Variants in MICU1 observed in about 807,000 individuals in gnomAD.
MICU1 encodes the protein calcium uptake protein 1, mitochondrial.
In MICU1, 45 loss-of-function variants were observed where a neutral mutation model predicts 56.8. The observed-to-expected ratio is 0.79, with a 90% confidence interval of 0.62 to 1.02. MICU1 has a LOEUF of 1.02. Ranked by LOEUF, MICU1 falls within the 50% of genes least tolerant of loss-of-function variation. MICU1 has a pLI of 0.00. For missense variants in MICU1, 504 were observed against 587.1 expected (o/e 0.86, Z 1.46); for synonymous variants, 186 against 195.1 (o/e 0.95, Z 0.39).
intron 10 of MICU1, among the ~76,000 whole-genome samples, chr10:72,404,444 A>G (rs55772730): frequency 0.04 from 6,149 of 152,330 alleles, 344 homozygotes; most frequent in African/African-American, 0.12. Context: ...AATCAACTCA[A>G]TAGGCAACAA....
At chr10:72,497,538 C>T (rs554311885) in intron 6 of MICU1, among the ~76,000 whole-genome samples, 3 of 152,248 alleles carry the variant, frequency 2.0e-5, no homozygotes, top group East Asian at 3.9e-4. Context: ...ATGTGGGGCT[C>T]GCAGACCAAA....
rs150719690 is a variant in MICU1 at position 72,414,332 on chromosome 10, G to A, written c.1072-6295C>T. On this transcript the variant is annotated intron_variant, in intron 9 of 11. Transcript: ENST00000361114. ...ATAAGCATCTACATAAAAATGTAAT[G>A]TAGTAAATAAAATACTATTTACTCT... Among the ~76,000 whole-genome samples the A allele has an allele frequency of 2.8e-3, 425 of 152,126 alleles. 2 individuals are homozygous for A. The highest frequency in any genetic ancestry group is 9.7e-3 in the African/African-American group (402 of 41,494).
At chr10:72,591,576 A>G (rs930831649) in intron 1 of MICU1, among the ~76,000 whole-genome samples, 2 of 152,206 alleles carry the variant, frequency 1.3e-5, no homozygotes, top group Non-Finnish European at 2.9e-5. Flanking sequence ...AAAAGGGATT[A>G]TAAGACAGTA....
At chr10:72,567,214 T>A (rs190112287) in intron 1 of MICU1, among the ~76,000 whole-genome samples, 1 of 152,014 alleles carries the variant, frequency 6.6e-6, no homozygotes, top group African/African-American at 2.4e-5. Flanking sequence ...CATGGTGACA[T>A]GCACTTGTAG....
At chr10:72,428,794 G>A (rs2132151240) in intron 8 of MICU1, among the ~76,000 whole-genome samples, 1 of 152,246 alleles carries the variant, frequency 6.6e-6, no homozygotes, top group East Asian at 1.9e-4. Flanking sequence ...TAACAATCAG[G>A]AAATATTTGA....
chr10:72,555,939 CAAGG>C (rs1436757594), intron 3 of MICU1, among the ~76,000 whole-genome samples: 1 of 152,082 alleles, frequency 6.6e-6, no homozygotes, highest in African/African-American at 2.4e-5. Flanking sequence ...GTAGAATGCC[CAAGG>C]AAAACCATGG....
chr10:72,488,204 AAAG>A (rs1317864011), intron 6 of MICU1, among the ~76,000 whole-genome samples: 1 of 151,510 alleles, frequency 6.6e-6, no homozygotes, highest in African/African-American at 2.4e-5. Flanking sequence ...AAAAAAAAAA[AAAG>A]AAAAAAAAAT....
intron 9 of MICU1, among the ~76,000 whole-genome samples, chr10:72,417,565 T>C (rs1252477391): frequency 6.6e-6 from 1 of 152,236 alleles, no homozygotes. Flanking sequence ...AACTGAGTTA[T>C]AATTTTCAAT....
intron 9 of MICU1, among the ~76,000 whole-genome samples, chr10:72,417,453 CAAAAAAA>C (rs869171199): frequency 2.1e-4 from 14 of 66,470 alleles, no homozygotes; most frequent in Admixed American, 8.0e-4. Context: ...GACTCCGTCT[CAAAAAAA>C]AAAAAAAAAA....
intron 3 of MICU1, 28 bp from the exon 4 acceptor site, chr10:72,551,369 C>T: frequency 1.9e-6 from 3 of 1,552,276 alleles, no homozygotes; most frequent in Non-Finnish European, 2.6e-6. Context: ...GAAAGTGTTA[C>T]TATATTAAGC....
intron 1 of MICU1, among the ~76,000 whole-genome samples, chr10:72,616,135 T>C (rs1841973715): frequency 6.6e-6 from 1 of 152,262 alleles, no homozygotes; most frequent in Admixed American, 6.5e-5. Flanking sequence ...GTTTCTAATT[T>C]TCTTCTCATC....
intron 1 of MICU1, among the ~76,000 whole-genome samples, chr10:72,589,476 T>C (rs1442769083): frequency 2.0e-5 from 3 of 152,146 alleles, no homozygotes; most frequent in Admixed American, 6.6e-5. Context: ...AATGTATAGA[T>C]TTAATGTAGT....
intron 5 of MICU1, among the ~76,000 whole-genome samples, chr10:72,516,044 A>T (rs1867635619): frequency 6.6e-6 from 1 of 152,146 alleles, no homozygotes; most frequent in African/African-American, 2.4e-5. Context: ...TTACAAAATT[A>T]AAATATATAA....
chr10:72,616,376 T>C (rs1022970138), intron 1 of MICU1, among the ~76,000 whole-genome samples: 14 of 152,124 alleles, frequency 9.2e-5, no homozygotes, highest in African/African-American at 3.4e-4. Flanking sequence ...ATTTACCCAC[T>C]GTTAGGGCAA....
At chr10:72,605,806 T>C (rs968045844) in intron 1 of MICU1, among the ~76,000 whole-genome samples, 1 of 152,152 alleles carries the variant, frequency 6.6e-6, no homozygotes, top group African/African-American at 2.4e-5. Context: ...TCCTCACAGA[T>C]ATCATGGAAC....
chr10:72,584,052 A>G (rs1170413755), intron 1 of MICU1, among the ~76,000 whole-genome samples: 1 of 152,262 alleles, frequency 6.6e-6, no homozygotes, highest in Non-Finnish European at 1.5e-5. Context: ...AGAAACAAGT[A>G]TCATCTCACA....
intron 3 of MICU1, among the ~76,000 whole-genome samples, chr10:72,556,317 T>C (rs931843534): frequency 2.0e-5 from 3 of 152,168 alleles, no homozygotes; most frequent in Non-Finnish European, 4.4e-5. Flanking sequence ...ATAGTAATAA[T>C]ATACATAAAT....
intron 6 of MICU1, among the ~76,000 whole-genome samples, chr10:72,493,623 G>A (rs1344409358): frequency 6.6e-6 from 1 of 151,766 alleles, no homozygotes; most frequent in Admixed American, 6.6e-5. Flanking sequence ...TGACTAATTT[G>A]TGTATTTTTT....
chr10:72,467,050 G>A (rs1458466719), intron 8 of MICU1, among the ~76,000 whole-genome samples: 1 of 151,840 alleles, frequency 6.6e-6, no homozygotes, highest in South Asian at 2.1e-4. Flanking sequence ...CCAGGCTGGA[G>A]TGCAGTAGTG....
Sources: gnomAD v4.1 joint callset for allele counts (sites outside exome capture counted in the v4.1 genomes callset) on GRCh38, gnomAD v4.1.1 for gene constraint, MANE v1.5 for transcripts, NCBI Gene and HGNC (gene_info 2026-07-23, HGNC 2026-07-21) for gene names.